The following AP1M1 variants were observed in gnomAD, a reference collection of about 807,000 sequenced individuals.
AP1M1 encodes the protein AP-1 complex subunit mu-1.
Under a neutral mutation model 57.1 loss-of-function variants are expected in AP1M1, and 18 were observed. The ratio of observed to expected loss-of-function variants is 0.32; its 90% CI spans 0.22 to 0.47. The LOEUF (loss-of-function observed/expected upper bound fraction) is 0.47, where lower values mean the gene tolerates loss of function less well. AP1M1 is among the 20% of genes least tolerant of loss of function. The pLI is 1.00. For synonymous variants in AP1M1, 241 were observed against 237.9 expected (o/e 1.01, Z -0.12); for missense variants, 362 against 593.5 (o/e 0.61, Z 4.05).
chr19:16,226,699 G>A, intron 6 of AP1M1, 152 bp downstream of exon 6: 5 of 999,856 alleles, frequency 5.0e-6, no homozygotes, highest in Non-Finnish European at 7.1e-6. Context: ...CAGCTGTGTA[G>A]AGTATTCATC....
At chr19:16,223,430 CT>C (rs1409979012) in intron 5 of AP1M1, among the ~76,000 whole-genome samples, 1 of 152,236 alleles carries the variant, frequency 6.6e-6, no homozygotes, top group African/African-American at 2.4e-5. Flanking sequence ...TGGTACTTTT[CT>C]GATTCCTTGC....
chr19:16,208,189 G>C, intron 4 of AP1M1, 40 bp downstream of exon 4: 1 of 1,569,252 alleles, frequency 6.4e-7, no homozygotes, highest in Non-Finnish European at 8.6e-7. Context: ...AGGCCTGGGC[G>C]GTGTCATGAC....
At chr19:16,209,549 A>G (rs576148510) in intron 5 of AP1M1, among the ~76,000 whole-genome samples, 4 of 152,220 alleles carry the variant, frequency 2.6e-5, no homozygotes, top group African/African-American at 7.2e-5. Flanking sequence ...ATACATGCAC[A>G]TTATTTTTAA....
chr19:16,226,502 C>T lies in AP1M1; in HGVS notation c.628C>T (p.Leu210=). ...MRVFLSGMPE[L]RLGLNDKVLF... Reference sequence around the variant, plus strand: ...AGTCTTCCTCTCGGGCATGCCCGAGCTGCGCCTGGGCCTCAACGACAAGGT... The same window carrying T: ...AGTCTTCCTCTCGGGCATGCCCGAGTTGCGCCTGGGCCTCAACGACAAGGT... Residue 210 remains leucine (L), a synonymous_variant, in exon 6 of 12, where the codon CTG becomes TTG. Transcript: ENST00000291439. The T allele has an allele frequency of 6.3e-7, 1 of 1,589,774 alleles. No homozygotes were observed. Among genetic ancestry groups the T allele is most frequent in the Non-Finnish European group, 8.6e-7 (1 of 1,167,660 alleles).
At chr19:16,231,015 G>T (rs572773540) in intron 9 of AP1M1, among the ~76,000 whole-genome samples, 1 of 151,996 alleles carries the variant, frequency 6.6e-6, no homozygotes, top group Non-Finnish European at 1.5e-5. Context: ...AGGGCCAGGC[G>T]CTGTGGCTCA....
rs779858433 is a variant in AP1M1 at position 16,227,929 on chromosome 19, T to C, written c.817-208T>C. Among the ~76,000 whole-genome samples the C allele has an allele frequency of 4.6e-5, 7 of 152,200 alleles. No homozygotes were observed. The highest frequency in any genetic ancestry group is 8.8e-5 in the Non-Finnish European group (6 of 68,024). ...CAGAGCAGGCCCTGGTCATGTTTTC[T>C]GCATTTGCCCCAAGGCCTCCCCGGT... On this transcript the variant is annotated intron_variant, in intron 7 of 11. Coordinates refer to ENST00000291439, the MANE Select transcript of AP1M1 (RefSeq NM_032493.4). This position sits in a 1 kb window ranked among gnomAD's most constrained non-coding sequence, Gnocchi z 6.2.
chr19:16,234,058 C>G lies in AP1M1; in HGVS notation c.1174-141C>G, dbSNP rs572388461. 13 of 795,286 alleles carry G rather than the reference C, an allele frequency of 1.6e-5. No homozygotes were observed. The African/African-American group carries it at 2.1e-4, about 13-fold the overall frequency. 49.3% of individuals were successfully genotyped at this position (795,286 alleles called of 1,614,324 possible). A position where few individuals can be genotyped will look rare whatever the true frequency, so the allele number is the denominator to read the frequency against. Reference sequence around the variant, plus strand: ...ACATTTGCATGGTCCAGACAAATCCCTTTCACCCCCCTGAGGCCTGTGCTC... The same window carrying G: ...ACATTTGCATGGTCCAGACAAATCCGTTTCACCCCCCTGAGGCCTGTGCTC... On this transcript the variant is annotated intron_variant, in intron 10 of 11. Transcript: ENST00000291439.
In AP1M1 at chr19:16,227,496, A is replaced by AGATAGTGACC; in HGVS notation, c.674-51_674-42dup. On this transcript the variant is annotated intron_variant, in intron 6 of 11. Transcript: ENST00000291439. This position sits in a 1 kb window ranked among gnomAD's most constrained non-coding sequence, Gnocchi z 6.2. The stretch of plus-strand genomic sequence containing the variant: ...GTTGCAGGTGGTAGGAGTACTGCTG[A>AGATAGTGACC]GATAGTGACCCGGAGGGCCCAGATC... 1 of 1,589,800 alleles carries AGATAGTGACC rather than the reference A, an allele frequency of 6.3e-7. No homozygotes were observed. The highest frequency in any genetic ancestry group is 8.6e-7 in the Non-Finnish European group (1 of 1,161,258).
At chr19:16,232,572 G>A (rs2145143401) in intron 9 of AP1M1, among the ~76,000 whole-genome samples, 1 of 152,298 alleles carries the variant, frequency 6.6e-6, no homozygotes, top group East Asian at 1.9e-4. Flanking sequence ...TCATCCTCCT[G>A]GAGTCTGTAC....
chr19:16,217,501 C>T (rs1295399089), intron 5 of AP1M1, among the ~76,000 whole-genome samples: 2 of 152,132 alleles, frequency 1.3e-5, no homozygotes, highest in African/African-American at 4.8e-5. Flanking sequence ...CTCAGGTGGG[C>T]TAGTGTGTCC....
At position 16,238,343 on chromosome 19, in the gene AP1M1, A is replaced by G. The variant is rs934549345; in HGVS notation, c.*3908A>G. On this transcript the variant is annotated 3_prime_UTR_variant, in exon 12 of 12. Transcript: ENST00000291439. ...TAGTTCATGATAGCAGGAAATTGGAAAGCAACCAAAAGTCCTTCAATAGGA... is the reference window on the plus strand; with the variant it reads ...TAGTTCATGATAGCAGGAAATTGGAGAGCAACCAAAAGTCCTTCAATAGGA... 3 of 152,214 alleles carry G rather than the reference A, an allele frequency of 2.0e-5. No homozygotes were observed. The highest frequency in any genetic ancestry group is 7.2e-5 in the African/African-American group (3 of 41,470). 9.4% of individuals were successfully genotyped at this position (152,214 alleles called of 1,614,324 possible). A position where few individuals can be genotyped will look rare whatever the true frequency, so the allele number is the denominator to read the frequency against.
intron 1 of AP1M1, among the ~76,000 whole-genome samples, chr19:16,202,637 C>T (rs895666080): frequency 8.5e-5 from 13 of 152,228 alleles, no homozygotes; most frequent in South Asian, 2.1e-4. Flanking sequence ...CACAGTGATT[C>T]TGATGCGCCT....
At chr19:16,202,519 C>T (rs1181305277) in intron 1 of AP1M1, among the ~76,000 whole-genome samples, 1 of 152,084 alleles carries the variant, frequency 6.6e-6, no homozygotes, top group Admixed American at 6.5e-5. Flanking sequence ...GCTGTCTAGC[C>T]CCATCCCTAG....
chr19:16,203,675 T>C lies in AP1M1; in HGVS notation c.199+60T>C. On this transcript the variant is annotated intron_variant, in intron 2 of 11. Transcript: ENST00000291439. The surrounding 1 kb of genome is among the most constrained non-coding windows in gnomAD (Gnocchi z 4.6). ...CTGTGTGGGTGTTGGTGTGTGTGCA[T>C]ATCCACACGCCTGCAAGCAGGGCTG... 5 of 1,515,772 alleles carry C rather than the reference T, an allele frequency of 3.3e-6. No individual in the cohort carries two copies. The highest frequency in any genetic ancestry group is 4.5e-6 in the Non-Finnish European group (5 of 1,117,418). 93.9% of individuals were successfully genotyped at this position (1,515,772 alleles called of 1,614,324 possible).
chr19:16,197,943 C>T lies in AP1M1; in HGVS notation c.-84C>T, dbSNP rs373507031. ...GAGGTGAGCTGTCGCGGGCGGCGCC[C>T]GGCCTTGCTCAACGCCCAGCAGTCC... On this transcript the variant is annotated 5_prime_UTR_variant, in exon 1 of 12. Transcript: ENST00000291439. 46 of 1,297,094 alleles carry T rather than the reference C, an allele frequency of 3.5e-5. No homozygotes were observed. The East Asian group carries it at 6.0e-4, about 17-fold the overall frequency. The allele number at this position is 1,297,094 out of a possible 1,614,324, so 80.3% of individuals were successfully genotyped here. A position where few individuals can be genotyped will look rare whatever the true frequency, so the allele number is the denominator to read the frequency against.
chr19:16,231,301 A>AC (rs2091595751), intron 9 of AP1M1, among the ~76,000 whole-genome samples: 2 of 26,512 alleles, frequency 7.5e-5, no homozygotes, highest in East Asian at 8.0e-4. Flanking sequence ...AAAAAAAAAA[A>AC]AAAAAAAAAC....
Position 16,234,243 on chromosome 19 carries a change from G to T in AP1M1, c.1218G>T (p.Leu406=), listed in dbSNP as rs1257734079. 1.9e-6 allele frequency: 3 copies of T among 1,613,852 alleles called. No homozygotes were observed. The African/African-American group carries it at 4.0e-5, about 22-fold the overall frequency. The change falls in exon 11 of 12, where the codon CTG becomes CTT. Residue 406 remains leucine (L), a synonymous_variant. Coordinates refer to ENST00000291439, the MANE Select transcript of AP1M1 (RefSeq NM_032493.4). ...TTGAGAAGAGTGGGTACCAGGCCCT[G>T]CCCTGGGTGCGTTATATCACGCAGA... ...KIIEKSGYQA[L]PWVRYITQNG...
chr19:16,215,672 G>T (rs540338752), intron 5 of AP1M1, among the ~76,000 whole-genome samples: 1 of 151,864 alleles, frequency 6.6e-6, no homozygotes, highest in African/African-American at 2.4e-5. Flanking sequence ...GAAGTATTTT[G>T]CAGGGGTTCT....
rs1484934702 is a variant in AP1M1, at chr19:16,206,297, CA to C, written c.200-43del. On this transcript the variant is annotated intron_variant, in intron 2 of 11. Transcript: ENST00000291439. The surrounding 1 kb of genome is among the most constrained non-coding windows in gnomAD (Gnocchi z 4.3). ...CCATGAACCAGGATCTTCCAGGCAG[CA>C]GCCCCAGCCTCTGAATGCTCCTTAA... The C allele has an allele frequency of 6.2e-7, 1 of 1,601,024 alleles. No individual in the cohort carries two copies. The highest frequency in any genetic ancestry group is 2.2e-5 in the East Asian group (1 of 44,794).
Sources: gnomAD v4.1 joint callset for allele counts (sites outside exome capture counted in the v4.1 genomes callset) on GRCh38, gnomAD v4.1.1 for gene constraint, Gnocchi (gnomAD v3.1) non-coding constraint, MANE v1.5 for transcripts, NCBI Gene and HGNC (gene_info 2026-07-23, HGNC 2026-07-21) for gene names.